RBBP4: variants seen among roughly 807,000 people sequenced by gnomAD.
The protein encoded by RBBP4 is RB binding protein 4, chromatin remodeling factor, also known as histone-binding protein RBBP4.
In RBBP4, 3 loss-of-function variants were observed where a neutral mutation model predicts 57.2. That is an observed-to-expected ratio of 0.05 (90% CI 0.02 to 0.14). The LOEUF (loss-of-function observed/expected upper bound fraction) is 0.14, where lower values mean the gene tolerates loss of function less well. Ranked by LOEUF, RBBP4 falls within the 10% of genes least tolerant of loss-of-function variation. RBBP4 has a pLI of 1.00. For missense variants in RBBP4, 107 were observed against 520.6 expected (o/e 0.21, Z 7.73); for synonymous variants, 151 against 171.5 (o/e 0.88, Z 0.93).
intron 11 of RBBP4, among the ~76,000 whole-genome samples, chr1:32,674,532 C>CT (rs1000950373): frequency 4.0e-5 from 6 of 150,936 alleles, no homozygotes; most frequent in Admixed American, 1.3e-4. Flanking sequence ...CCGCCCCCCA[C>CT]TTTTTTTTGT....
rs184768768 is a variant in RBBP4, at chr1:32,683,740, C to G, written c.*4035C>G. On this transcript the variant is annotated 3_prime_UTR_variant, in exon 12 of 12. Coordinates refer to ENST00000373493, the MANE Select transcript of RBBP4 (RefSeq NM_005610.3). ...CCTCTGCCTCCTGGTTCAAGCGATT[C>G]TCCTGCCTTGGCCTCCTGAGTAGCT... 1 of 357,170 alleles carries G rather than the reference C, an allele frequency of 2.8e-6. No individual in the cohort carries two copies. Among genetic ancestry groups the G allele is most frequent in the Non-Finnish European group, 5.2e-6 (1 of 191,090 alleles). The allele number at this position is 357,170 out of a possible 1,614,324, so 22.1% of individuals were successfully genotyped here. A position where few individuals can be genotyped will look rare whatever the true frequency, so the allele number is the denominator to read the frequency against.
At position 32,682,780 on chromosome 1, in the gene RBBP4, A is replaced by T. The variant is rs1256070712; in HGVS notation, c.*3075A>T. The T allele has an allele frequency of 1.3e-5, 2 of 152,070 alleles. No homozygotes were observed. Among genetic ancestry groups the T allele is most frequent in the Admixed American group, 6.6e-5 (1 of 15,260 alleles). 9.4% of individuals were successfully genotyped at this position (152,070 alleles called of 1,614,324 possible). On this transcript the variant is annotated 3_prime_UTR_variant, in exon 12 of 12. Coordinates refer to ENST00000373493, the MANE Select transcript of RBBP4 (RefSeq NM_005610.3). Reference sequence around the variant, plus strand: ...AGCGAGACTGTCTCAAAAAAAAAAGAAAGTTGTGAATTTGATGTAAGCTTA... The same window carrying T: ...AGCGAGACTGTCTCAAAAAAAAAAGTAAGTTGTGAATTTGATGTAAGCTTA...
rs1167559136 is a variant in RBBP4 at position 32,669,970 on chromosome 1, A to G, written c.966+407A>G. Among the ~76,000 whole-genome samples, 1 of 152,208 alleles carries G rather than the reference A, an allele frequency of 6.6e-6. No individual in the cohort carries two copies. Among genetic ancestry groups the G allele is most frequent in the Non-Finnish European group, 1.5e-5 (1 of 68,030 alleles). On this transcript the variant is annotated intron_variant, in intron 8 of 11. Transcript: ENST00000373493. The surrounding 1 kb of genome is among the most constrained non-coding windows in gnomAD (Gnocchi z 4.9). Reference sequence around the variant, plus strand: ...ATGCCGTTGCTAAAAATAGAAATCTATATGCCTATGCTACTTTCTGTGGGA... The same window carrying G: ...ATGCCGTTGCTAAAAATAGAAATCTGTATGCCTATGCTACTTTCTGTGGGA...
In RBBP4 at chr1:32,680,357, G is replaced by GTTT. The variant is rs372285843; in HGVS notation, c.*669_*671dup. 9.6e-5 allele frequency: 95 copies of GTTT among 988,058 alleles called. No homozygotes were observed. Among genetic ancestry groups the GTTT allele is most frequent in the Middle Eastern group, 4.6e-4 (1 of 2,174 alleles). 61.2% of individuals were successfully genotyped at this position (988,058 alleles called of 1,614,324 possible). On this transcript the variant is annotated 3_prime_UTR_variant, in exon 12 of 12. Transcript: ENST00000373493. ...AATGGTGTTTTTTTTTTTGTTGTTG[G>GTTT]TTTTTTTTTTTTTTTTTTTAACTTG...
Position 32,658,132 on chromosome 1 carries a change from C to T in RBBP4, c.310+560C>T, listed in dbSNP as rs562347647. ...CCTCTCAGAGTGCTGGAATTACAGG[C>T]GTGAGCCACTGCACCCATCCATATT... On this transcript the variant is annotated intron_variant, in intron 3 of 11. Coordinates refer to ENST00000373493, the MANE Select transcript of RBBP4 (RefSeq NM_005610.3). 3.3e-5 allele frequency among the ~76,000 whole-genome samples: 5 copies of T among 152,254 alleles called. No homozygotes were observed. In the East Asian group the frequency reaches 7.7e-4, roughly 24 times the overall value.
In RBBP4 at chr1:32,672,829, C is replaced by T. The variant is rs1487748212; in HGVS notation, c.1140C>T (p.Phe380=). The stretch of plus-strand genomic sequence containing the variant: ...GTCATACTGCCAAGATATCTGATTT[C>T]TCCTGGAATCCCAATGAACCTTGGG... ...HGGHTAKISD[F]SWNPNEPWVI... Residue 380 remains phenylalanine (F), a synonymous_variant, in exon 11 of 12, where the codon TTC becomes TTT. Transcript: ENST00000373493. 2 of 1,613,808 alleles carry T rather than the reference C, an allele frequency of 1.2e-6. No individual in the cohort carries two copies. Among genetic ancestry groups the T allele is most frequent in the Non-Finnish European group, 1.7e-6 (2 of 1,179,726 alleles).
chr1:32,673,124 C>T (rs942091788), intron 11 of RBBP4, among the ~76,000 whole-genome samples: 9 of 152,130 alleles, frequency 5.9e-5, no homozygotes, highest in African/African-American at 2.2e-4. Context: ...GACCCTCTCT[C>T]CCACTTCTCC....
chr1:32,673,970 G>T (rs982193656), intron 11 of RBBP4, among the ~76,000 whole-genome samples: 1 of 151,946 alleles, frequency 6.6e-6, no homozygotes, highest in African/African-American at 2.4e-5. Context: ...GCGTGGTGGC[G>T]GGCGCCTGTA....
At chr1:32,653,641 T>TTTTTGTTTTTTTTG (rs1557849791) in intron 2 of RBBP4, among the ~76,000 whole-genome samples, 1 of 19,940 alleles carries the variant, frequency 5.0e-5, no homozygotes, top group Non-Finnish European at 1.7e-4. Context: ...TTTCTGGTTT[T>TTTTTGTTTTTTTTG]TTTTTTTTTT....
intron 11 of RBBP4, among the ~76,000 whole-genome samples, chr1:32,677,740 G>C (rs1475130052): frequency 1.3e-5 from 2 of 152,048 alleles, no homozygotes; most frequent in Non-Finnish European, 2.9e-5. Context: ...TCCTAAGAAA[G>C]GGTACCCCAC....
At chr1:32,664,439 T>C (rs1441503586) in intron 3 of RBBP4, among the ~76,000 whole-genome samples, 2 of 152,076 alleles carry the variant, frequency 1.3e-5, no homozygotes, top group Non-Finnish European at 2.9e-5. Context: ...CTGGCAGCTA[T>C]GCTTCTTTTT....
intron 3 of RBBP4, among the ~76,000 whole-genome samples, chr1:32,667,432 C>T (rs976875538): frequency 3.9e-5 from 6 of 152,262 alleles, no homozygotes; most frequent in South Asian, 2.1e-4. Context: ...ATCACTTGGA[C>T]GACTCATCCT....
Position 32,681,778 on chromosome 1 carries a change from C to A in RBBP4, c.*2073C>A. The A allele has an allele frequency of 1.2e-6, 2 of 1,613,720 alleles. No homozygotes were observed. The highest frequency in any genetic ancestry group is 2.2e-5 in the South Asian group (2 of 91,028). ...TCTTGTCTGGTTGGAAGAGTACATC[C>A]AAAGGGTACTTAGTGATCCTTTGCT... is the stretch of plus-strand genomic sequence containing the variant. On this transcript the variant is annotated 3_prime_UTR_variant, in exon 12 of 12. Coordinates refer to ENST00000373493, the MANE Select transcript of RBBP4 (RefSeq NM_005610.3).
At position 32,683,371 on chromosome 1, in the gene RBBP4, A is replaced by G. The variant is rs1026217718; in HGVS notation, c.*3666A>G. 1 of 152,026 alleles carries G rather than the reference A, an allele frequency of 6.6e-6. No homozygotes were observed. The highest frequency in any genetic ancestry group is 2.4e-5 in the African/African-American group (1 of 41,398). The allele number at this position is 152,026 out of a possible 1,614,324, so 9.4% of individuals were successfully genotyped here. On this transcript the variant is annotated 3_prime_UTR_variant, in exon 12 of 12. Transcript: ENST00000373493. ...TATATAAGGAACTTAATGGATAGAT[A>G]TGTTTATTATTTTTGATAGCACAAC...
chr1:32,652,901 G>A (rs1647940524), intron 2 of RBBP4, among the ~76,000 whole-genome samples: 1 of 152,152 alleles, frequency 6.6e-6, no homozygotes, highest in Non-Finnish European at 1.5e-5. Flanking sequence ...CCTTCAAGGA[G>A]CACATTGTCT....
rs771624230 is a variant in RBBP4, at chr1:32,684,311, GTTC to G, written c.*4611_*4613del. On this transcript the variant is annotated 3_prime_UTR_variant, in exon 12 of 12. Coordinates refer to ENST00000373493, the MANE Select transcript of RBBP4 (RefSeq NM_005610.3). ...TGAGCCTTAGCTGTTCCATCTCTTT[GTTC>G]TTCTGTTGCTGGAGTTGCACCCCAT... The G allele has an allele frequency of 3.1e-6, 5 of 1,614,124 alleles. No homozygotes were observed. The highest frequency in any genetic ancestry group is 2.2e-5 in the East Asian group (1 of 44,884).
chr1:32,684,511 A>G lies in RBBP4; in HGVS notation c.*4806A>G, dbSNP rs1649682742. 1.5e-6 allele frequency: 2 copies of G among 1,317,396 alleles called. No homozygotes were observed. The highest frequency in any genetic ancestry group is 5.0e-5 in the Admixed American group (2 of 40,140). 81.6% of individuals were successfully genotyped at this position (1,317,396 alleles called of 1,614,324 possible). On this transcript the variant is annotated 3_prime_UTR_variant, in exon 12 of 12. Transcript: ENST00000373493. Reference sequence around the variant, plus strand: ...TAGCAGTATTGAGGCTGGTATTTATATGATAGGTTATGAAACAGGTTCAAA... The same window carrying G: ...TAGCAGTATTGAGGCTGGTATTTATGTGATAGGTTATGAAACAGGTTCAAA...
chr1:32,669,766 C>T lies in RBBP4; in HGVS notation c.966+203C>T, dbSNP rs1180368967. On this transcript the variant is annotated intron_variant, in intron 8 of 11. Coordinates refer to ENST00000373493, the MANE Select transcript of RBBP4 (RefSeq NM_005610.3). The surrounding 1 kb of genome is among the most constrained non-coding windows in gnomAD (Gnocchi z 4.9). ...TTAGCCGGGCATGGTGGCGGATGCC[C>T]GTAGTCCCAGCTACTCGGGAGGCTG... 3.3e-5 allele frequency among the ~76,000 whole-genome samples: 5 copies of T among 151,918 alleles called. No homozygotes were observed. Among genetic ancestry groups the T allele is most frequent in the East Asian group, 1.9e-4 (1 of 5,160 alleles).
chr1:32,676,612 C>CAAA (rs1229475952), intron 11 of RBBP4, among the ~76,000 whole-genome samples: 1 of 57,926 alleles, frequency 1.7e-5, no homozygotes, highest in African/African-American at 4.2e-5. Flanking sequence ...AACTCCATCT[C>CAAA]AAAAAAAAAA....
Sources: gnomAD v4.1 joint callset for allele counts (sites outside exome capture counted in the v4.1 genomes callset) on GRCh38, gnomAD v4.1.1 for gene constraint, Gnocchi (gnomAD v3.1) non-coding constraint, MANE v1.5 for transcripts, NCBI Gene and HGNC (gene_info 2026-07-23, HGNC 2026-07-21) for gene names.